The following AXIN1 variants were observed in gnomAD, a reference collection of about 807,000 sequenced individuals.
AXIN1 encodes the protein axin 1, also known as axin-1.
A neutral mutation model predicts 76.4 loss-of-function variants in AXIN1; 30 were observed. The observed-to-expected ratio is 0.39, with a 90% CI of 0.29 to 0.53. The LOEUF (loss-of-function observed/expected upper bound fraction) is 0.53. Among genes scored for constraint, AXIN1 ranks in the 20% least tolerant of loss-of-function variants. The pLI is 0.66. For missense variants in AXIN1, 1,140 were observed against 1,198.8 expected, an observed-to-expected ratio of 0.95 and a Z score of 0.72; for synonymous variants, 545 against 501.4, an observed-to-expected ratio of 1.09 and a Z score of -1.16.
chr16:335,238 G>A (rs1198150186), intron 2 of AXIN1, among the ~76,000 whole-genome samples: 2 of 152,138 alleles, frequency 1.3e-5, no homozygotes, highest in Non-Finnish European at 2.9e-5. Flanking sequence ...CCAAGCAAAG[G>A]TGCAAGCCTG....
At chr16:299,054 G>A (rs1053466171) in intron 5 of AXIN1, 50 of 984,838 alleles carry the variant, frequency 5.1e-5, no homozygotes, top group Admixed American at 6.2e-5. Context: ...GGCATGAGCC[G>A]CCGCGCCCGG....
intron 2 of AXIN1, among the ~76,000 whole-genome samples, chr16:343,959 GA>G (rs2053980630): frequency 6.7e-6 from 1 of 149,384 alleles, no homozygotes. Flanking sequence ...GAGATAGCGA[GA>G]TAGTGCTACT....
At position 297,219 on chromosome 16, in the gene AXIN1, C is replaced by G. The variant is rs1432371520; in HGVS notation, c.1792G>C (p.Val598Leu). ...GCATTTCTTTTGCACGCCACGCCCA[C>G]CTTCCCACTGCAAGGGCAAGAGCTG... ...ASDGLAHSGK[V>L]GVACKRNAKK... is the part of the protein sequence containing the mutation. Residue 598 changes from valine (V) to leucine (L), a missense_variant, in exon 7 of 11, where the codon GTG becomes CTG. By Grantham distance (32) the Val-to-Leu change is conservative (BLOSUM62 1). Around this residue, in one of 3 missense-constraint regions of AXIN1, gnomAD observed 429 missense variants for 405.8 expected, o/e 1.06. Coordinates refer to ENST00000262320, the MANE Select transcript of AXIN1 (RefSeq NM_003502.4). 1 of 1,606,322 alleles carries G rather than the reference C, an allele frequency of 6.2e-7. No individual in the cohort carries two copies. The highest frequency in any genetic ancestry group is 8.5e-7 in the Non-Finnish European group (1 of 1,179,898).
At chr16:301,698 C>T (rs148985763) in intron 5 of AXIN1, among the ~76,000 whole-genome samples, 6 of 152,164 alleles carry the variant, frequency 3.9e-5, no homozygotes, top group African/African-American at 1.4e-4. Context: ...ACCCTGCGAA[C>T]GGGTGAAGGC....
chr16:336,513 G>A (rs2053806231), intron 2 of AXIN1, among the ~76,000 whole-genome samples: 1 of 152,060 alleles, frequency 6.6e-6, no homozygotes, highest in African/African-American at 2.4e-5. Context: ...GACCCAAGAG[G>A]GCTGGTTCCC....
At chr16:312,134 C>T (rs961789325) in intron 3 of AXIN1, among the ~76,000 whole-genome samples, 14 of 152,202 alleles carry the variant, frequency 9.2e-5, no homozygotes, top group African/African-American at 3.4e-4. Context: ...CTCCACAGGC[C>T]TCCGTGGATT....
chr16:314,456 C>T, intron 3 of AXIN1, 87 bp downstream of exon 3: 1 of 1,586,576 alleles, frequency 6.3e-7, no homozygotes, highest in Non-Finnish European at 8.6e-7. Context: ...AGGACTTACA[C>T]ATTGCTGTCC....
At chr16:319,735 T>C (rs1437191488) in intron 2 of AXIN1, among the ~76,000 whole-genome samples, 1 of 152,218 alleles carries the variant, frequency 6.6e-6, no homozygotes, top group Non-Finnish European at 1.5e-5. Context: ...TGTGGTACTT[T>C]CATCTTCCGT....
chr16:351,644 C>A (rs906104684), intron 1 of AXIN1, among the ~76,000 whole-genome samples: 12 of 151,642 alleles, frequency 7.9e-5, no homozygotes, highest in Non-Finnish European at 1.5e-4. Flanking sequence ...ACGGTGGTCA[C>A]CCCTGTAGTC....
chr16:320,741 A>ATTTTTTTTTTTTT (rs1303646861), intron 2 of AXIN1, among the ~76,000 whole-genome samples: 1 of 92,060 alleles, frequency 1.1e-5, no homozygotes, highest in African/African-American at 5.6e-5. Flanking sequence ...ATATATATAT[A>ATTTTTTTTTTTTT]TATTTTTTTT....
At chr16:291,064 G>T in intron 9 of AXIN1, 126 bp downstream of exon 9, 1 of 887,446 alleles carries the variant, frequency 1.1e-6, no homozygotes, top group Non-Finnish European at 1.8e-6. Flanking sequence ...ACCCTCTCCT[G>T]CCACAGCTGC....
Position 293,894 on chromosome 16 carries a change from C to T in AXIN1, c.1956-176G>A, listed in dbSNP as rs1362623608. On this transcript the variant is annotated intron_variant, in intron 7 of 10. Transcript: ENST00000262320. The surrounding 1 kb of genome is among the most constrained non-coding windows in gnomAD (Gnocchi z 4.6). ...CCACAGACCACACAATAAAAACATC[C>T]CGGCCAGGCATGGTGGCTCACACCT... Among the ~76,000 whole-genome samples the T allele has an allele frequency of 6.6e-6, 1 of 152,164 alleles. No homozygotes were observed. The highest frequency in any genetic ancestry group is 2.4e-5 in the African/African-American group (1 of 41,448).
At chr16:309,523 C>T (rs577626923) in intron 4 of AXIN1, among the ~76,000 whole-genome samples, 13 of 152,180 alleles carry the variant, frequency 8.5e-5, no homozygotes, top group Non-Finnish European at 7.3e-5. Context: ...TATGCAACAG[C>T]GAAAGCCAAG....
At chr16:314,017 G>A (rs2053242855) in intron 3 of AXIN1, among the ~76,000 whole-genome samples, 1 of 152,202 alleles carries the variant, frequency 6.6e-6, no homozygotes, top group Non-Finnish European at 1.5e-5. Context: ...CGGCAGAAAC[G>A]CCACCCTCAG....
intron 2 of AXIN1, among the ~76,000 whole-genome samples, chr16:345,445 C>T (rs191670410): frequency 1.1e-4 from 16 of 152,300 alleles, no homozygotes; most frequent in Admixed American, 8.5e-4. Flanking sequence ...CCGGATGCGG[C>T]GGCTCACGCC....
intron 2 of AXIN1, among the ~76,000 whole-genome samples, chr16:336,210 G>A (rs2053800316): frequency 2.0e-5 from 3 of 152,178 alleles, no homozygotes; most frequent in Non-Finnish European, 4.4e-5. Flanking sequence ...ACTCCAGCCT[G>A]GGATACAAGA....
Position 291,254 on chromosome 16 carries a change from G to A in AXIN1, c.2230C>T (p.Pro744Ser), listed in dbSNP as rs2141476363. 5.7e-6 allele frequency: 9 copies of A among 1,585,548 alleles called. No homozygotes were observed. Among genetic ancestry groups the A allele is most frequent in the Non-Finnish European group, 7.7e-6 (9 of 1,166,984 alleles). ...VMRRGRACVRPACAPVLHVVP... is the reference protein window; with the variant it reads ...VMRRGRACVRSACAPVLHVVP... Reference sequence around the variant, plus strand: ...ACGTGCAGCACCGGCGCGCACGCTGGCCTGACGCAGGCGCGTCCCCGCCGC... The same window carrying A: ...ACGTGCAGCACCGGCGCGCACGCTGACCTGACGCAGGCGCGTCCCCGCCGC... Residue 744 changes from proline (P) to serine (S), a missense_variant, in exon 9 of 11, where the codon CCA becomes TCA. Pro to Ser is a moderately conservative substitution (Grantham distance 74, BLOSUM62 -1). Around this residue, in one of 3 missense-constraint regions of AXIN1, gnomAD observed 429 missense variants for 405.8 expected, o/e 1.06. Coordinates refer to ENST00000262320, the MANE Select transcript of AXIN1 (RefSeq NM_003502.4).
intron 5 of AXIN1, among the ~76,000 whole-genome samples, chr16:302,900 C>T (rs781267722): frequency 7.9e-5 from 12 of 151,824 alleles, no homozygotes; most frequent in Non-Finnish European, 1.2e-4. Flanking sequence ...TTTTTTTTGG[C>T]ACCCAGGCTG....
In AXIN1 at chr16:346,849, G is replaced by T. The variant is rs199600401; in HGVS notation, c.177C>A (p.Ala59=). ...GGTCCAGATCCGAGCGCCTCGGAGT[G>T]GCCGTCGAAGTCTCACCTTTAATGC... The part of the protein sequence containing the change: ...GVGIKGETST[A]TPRRSDLDLG... The change falls in exon 2 of 11, where the codon GCC becomes GCA. Residue 59 remains alanine (A), a synonymous_variant. Transcript: ENST00000262320. 7.4e-6 allele frequency: 12 copies of T among 1,613,554 alleles called. No individual in the cohort carries two copies. The highest frequency in any genetic ancestry group is 1.0e-5 in the Non-Finnish European group (12 of 1,179,488).
Sources: allele counts gnomAD v4.1 joint callset (sites outside exome capture counted in the v4.1 genomes callset), GRCh38; gene constraint gnomAD v4.1.1; regional missense constraint gnomAD v4.1.1; non-coding constraint Gnocchi (gnomAD v3.1); transcripts MANE v1.5; gene names NCBI Gene and HGNC (gene_info 2026-07-23, HGNC 2026-07-21).